UBAP1: variants seen among roughly 807,000 people sequenced by gnomAD.
UBAP1 encodes ubiquitin-associated protein 1.
In UBAP1, 5 loss-of-function variants were observed where a neutral mutation model predicts 39.0. That is an observed-to-expected ratio of 0.13 (90% confidence interval 0.07 to 0.27). The LOEUF (loss-of-function observed/expected upper bound fraction) is 0.27, where lower values mean the gene tolerates loss of function less well. Among genes scored for constraint, UBAP1 ranks in the 10% least tolerant of loss-of-function variants. UBAP1 has a pLI of 1.00. For synonymous variants in UBAP1, 211 were observed against 225.1 expected (o/e 0.94, Z 0.56); for missense variants, 490 against 608.1 (o/e 0.81, Z 2.04).
intron 2 of UBAP1, among the ~76,000 whole-genome samples, chr9:34,233,884 C>T (rs930242405): frequency 6.6e-6 from 1 of 151,790 alleles, no homozygotes; most frequent in African/African-American, 2.4e-5. Flanking sequence ...TGGATTAAGC[C>T]TGTCATCTTT....
intron 1 of UBAP1, among the ~76,000 whole-genome samples, chr9:34,181,358 C>T (rs1370320197): frequency 1.3e-5 from 2 of 151,312 alleles, no homozygotes; most frequent in Admixed American, 1.3e-4. Flanking sequence ...CCTCGTGATC[C>T]ACCCGTCTTG....
intron 1 of UBAP1, among the ~76,000 whole-genome samples, chr9:34,183,671 A>T (rs1830216837): frequency 6.6e-6 from 1 of 151,984 alleles, no homozygotes; most frequent in African/African-American, 2.4e-5. Context: ...ACAGAATGGG[A>T]ATCCCTGCTT....
rs1587770983 is a variant in UBAP1, at chr9:34,182,157, G to A, written c.-8+2917G>A. Among the ~76,000 whole-genome samples, 3 of 121,762 alleles carry A rather than the reference G, an allele frequency of 2.5e-5. 1 individual carries two copies. The highest frequency in any genetic ancestry group is 4.4e-4 in the East Asian group (2 of 4,502). The allele number at this position is 121,762 out of a possible 152,430, so 79.9% of individuals were successfully genotyped here. On this transcript the variant is annotated intron_variant, in intron 1 of 6. Transcript: ENST00000297661. Reference sequence around the variant, plus strand: ...TTAACTATGGTATTTAAGGATCCCTGACGTTTATTTATTTATTTATTTATT... The same window carrying A: ...TTAACTATGGTATTTAAGGATCCCTAACGTTTATTTATTTATTTATTTATT...
At chr9:34,230,991 G>A (rs1461954753) in intron 2 of UBAP1, among the ~76,000 whole-genome samples, 1 of 151,868 alleles carries the variant, frequency 6.6e-6, no homozygotes, top group Admixed American at 6.6e-5. Context: ...CAGCCTGGAC[G>A]ACATAATGAG....
At chr9:34,190,644 T>TC (rs1830663139) in intron 1 of UBAP1, among the ~76,000 whole-genome samples, 1 of 149,230 alleles carries the variant, frequency 6.7e-6, no homozygotes, top group Non-Finnish European at 1.5e-5. Context: ...TTTTTTTTTT[T>TC]TTTTTTGGAG....
intron 1 of UBAP1, chr9:34,201,292 C>G (rs763375891): frequency 8.5e-5 from 13 of 152,148 alleles, no homozygotes; most frequent in South Asian, 2.1e-4. Context: ...GCCTGTAATC[C>G]TAGCACTTTG....
chr9:34,229,711 G>A (rs1055732483), intron 2 of UBAP1, among the ~76,000 whole-genome samples: 1 of 151,500 alleles, frequency 6.6e-6, no homozygotes, highest in African/African-American at 2.4e-5. Flanking sequence ...CTAATTTTTT[G>A]TATTTTTAGT....
chr9:34,221,433 G>GT (rs1832752190), intron 2 of UBAP1, among the ~76,000 whole-genome samples: 1 of 151,718 alleles, frequency 6.6e-6, no homozygotes, highest in African/African-American at 2.4e-5. Context: ...GGAGGCTGAG[G>GT]GCAGAAGAAT....
chr9:34,237,072 T>A (rs1276157901), intron 3 of UBAP1, among the ~76,000 whole-genome samples: 2 of 152,228 alleles, frequency 1.3e-5, no homozygotes, highest in African/African-American at 4.8e-5. Flanking sequence ...GTAAATGCTA[T>A]CTCTTCGAGG....
chr9:34,241,257 G>A lies in UBAP1; in HGVS notation c.232G>A (p.Glu78Lys). 1 of 1,506,312 alleles carries A rather than the reference G, an allele frequency of 6.6e-7. No individual in the cohort carries two copies. Among genetic ancestry groups the A allele is most frequent in the Middle Eastern group, 1.8e-4 (1 of 5,590 alleles). The allele number at this position is 1,506,312 out of a possible 1,614,324, so 93.3% of individuals were successfully genotyped here. A position where few individuals can be genotyped will look rare whatever the true frequency, so the allele number is the denominator to read the frequency against. Residue 78 changes from glutamate to lysine, a missense_variant, in exon 4 of 7, where the codon GAA (glutamate) becomes AAA (lysine). Physicochemically the swap from Glu to Lys is moderately conservative, Grantham distance 56. This residue lies in a region of UBAP1 where 144 missense variants were observed against 184.4 expected (regional missense o/e 0.78). Transcript: ENST00000297661. ...EIKKIEEAER[E>K]AECKIAEAEA... ...TAAGAAAATCGAAGAAGCCGAGCGG[G>A]AAGCAGAGTGCAAAATTGCGGAAGC...
At position 34,217,627 on chromosome 9, in the gene UBAP1, T is replaced by C. The variant is rs535015430; in HGVS notation, c.-7-3281T>C. Among the ~76,000 whole-genome samples the C allele has an allele frequency of 1.1e-3, 169 of 150,130 alleles. 1 individual carries two copies. The highest frequency in any genetic ancestry group is 4.1e-3 in the African/African-American group (166 of 40,918). On this transcript the variant is annotated intron_variant, in intron 1 of 6. Transcript: ENST00000297661. ...GCACATGTGCGGTTTGTTACCTGAG[T>C]AACAAAAAAAAAAGCCTCTGCCTTT...
intron 4 of UBAP1, among the ~76,000 whole-genome samples, chr9:34,247,676 G>C (rs1365681563): frequency 2.0e-5 from 3 of 152,068 alleles, no homozygotes; most frequent in Admixed American, 2.0e-4. Context: ...TGCCTGCCTT[G>C]CCCCCCAAAG....
At chr9:34,188,097 G>A (rs1353498757) in intron 1 of UBAP1, among the ~76,000 whole-genome samples, 1 of 131,502 alleles carries the variant, frequency 7.6e-6, no homozygotes, top group Non-Finnish European at 1.6e-5. Flanking sequence ...AAACATCTGA[G>A]TAATTTGGGT....
At chr9:34,206,043 C>G (rs1831671026) in intron 1 of UBAP1, 1 of 152,196 alleles carries the variant, frequency 6.6e-6, no homozygotes, top group Non-Finnish European at 1.5e-5. Context: ...GTTTACAGTA[C>G]TAGTTTATGT....
chr9:34,215,188 C>T (rs538005465), intron 1 of UBAP1, among the ~76,000 whole-genome samples: 3 of 151,970 alleles, frequency 2.0e-5, no homozygotes, highest in Non-Finnish European at 4.4e-5. Context: ...TTTATAGCAG[C>T]ACAATTCACA....
chr9:34,248,396 G>A (rs542626235), intron 4 of UBAP1, among the ~76,000 whole-genome samples: 1 of 152,198 alleles, frequency 6.6e-6, no homozygotes, highest in Non-Finnish European at 1.5e-5. Flanking sequence ...CATCCCACCA[G>A]GCATTTAGGA....
In UBAP1 at chr9:34,184,926, C is replaced by CTTT. The variant is rs35634769; in HGVS notation, c.-8+5709_-8+5711dup. 3.4e-3 allele frequency among the ~76,000 whole-genome samples: 358 copies of CTTT among 104,980 alleles called. 4 individuals carry two copies. The highest frequency in any genetic ancestry group is 4.0e-3 in the Non-Finnish European group (204 of 51,024). 68.9% of individuals were successfully genotyped at this position (104,980 alleles called of 152,430 possible). ...CGTGCGCCACCGCGCCCAGCCAATCCTTTTTTTTTTTTTTTTTTTTTTTTT... is the reference window on the plus strand; with the variant it reads ...CGTGCGCCACCGCGCCCAGCCAATCCTTTTTTTTTTTTTTTTTTTTTTTTTTTT... On this transcript the variant is annotated intron_variant, in intron 1 of 6. Transcript: ENST00000297661.
intron 4 of UBAP1, among the ~76,000 whole-genome samples, chr9:34,248,896 G>A (rs909795981): frequency 1.3e-5 from 2 of 152,226 alleles, no homozygotes; most frequent in Admixed American, 1.3e-4. Context: ...AGCTGTAAAA[G>A]GGCTTGTGAC....
intron 2 of UBAP1, among the ~76,000 whole-genome samples, chr9:34,223,690 C>T (rs564143649): frequency 7.6e-4 from 115 of 152,268 alleles, no homozygotes; most frequent in African/African-American, 2.6e-3. Flanking sequence ...CTCCTGACCT[C>T]GTGATCCGCC....
Sources: allele counts gnomAD v4.1 joint callset (sites outside exome capture counted in the v4.1 genomes callset), GRCh38; gene constraint gnomAD v4.1.1; regional missense constraint gnomAD v4.1.1; transcripts MANE v1.5; gene names NCBI Gene and HGNC (gene_info 2026-07-23, HGNC 2026-07-21).